GBE1: variants seen among roughly 807,000 people sequenced by gnomAD.
GBE1 encodes the protein 1,4-alpha-glucan-branching enzyme.
GBE1 carries 70 observed loss-of-function variants against 88.8 expected under a neutral mutation model. The observed-to-expected ratio is 0.79, with a 90% confidence interval of 0.65 to 0.96. The LOEUF (loss-of-function observed/expected upper bound fraction) is 0.96. GBE1 is among the 40% of genes least tolerant of loss of function. The pLI is 0.00. For missense variants in GBE1, 872 were observed against 871.0 expected (o/e 1.00, Z -0.01); for synonymous variants, 284 against 300.1 (o/e 0.95, Z 0.56).
In GBE1 at chr3:81,591,087, C is replaced by G; in HGVS notation, c.1186G>C (p.Ala396Pro). ...CACAGCGTGTGAACCAAATGATTTG[C>G]CAACATGAGGTAAGTCAAGGCATCT... Reference protein sequence around the residue: ...DEDALTYLMLANHLVHTLCPD... With the variant: ...DEDALTYLMLPNHLVHTLCPD... Residue 396 changes from alanine to proline, a missense_variant, in exon 9 of 16, where the codon GCA becomes CCA. By Grantham distance (27) the Ala-to-Pro change is conservative. Transcript: ENST00000429644. 2 of 1,609,514 alleles carry G rather than the reference C, an allele frequency of 1.2e-6. No homozygotes were observed. The highest frequency in any genetic ancestry group is 1.7e-6 in the Non-Finnish European group (2 of 1,177,544).
chr3:81,522,355 A>AG (rs1702886122), intron 14 of GBE1, among the ~76,000 whole-genome samples: 1 of 151,536 alleles, frequency 6.6e-6, no homozygotes, highest in African/African-American at 2.4e-5. Flanking sequence ...TTCGAATAAC[A>AG]GGTGATTATT....
chr3:81,558,142 C>T (rs1703372431), intron 12 of GBE1, among the ~76,000 whole-genome samples: 1 of 151,946 alleles, frequency 6.6e-6, no homozygotes, highest in Non-Finnish European at 1.5e-5. Context: ...ACCTATTTCT[C>T]AATTTGTAAA....
chr3:81,647,784 C>T (rs1469003685), intron 5 of GBE1, among the ~76,000 whole-genome samples: 2 of 152,022 alleles, frequency 1.3e-5, no homozygotes, highest in Non-Finnish European at 2.9e-5. Flanking sequence ...TTTCATTCTT[C>T]TTGGCTGATA....
intron 14 of GBE1, among the ~76,000 whole-genome samples, chr3:81,525,393 G>A (rs1421925297): frequency 2.0e-5 from 3 of 152,028 alleles, no homozygotes; most frequent in Non-Finnish European, 4.4e-5. Flanking sequence ...ACTTGATCAT[G>A]GTGGATAAGC....
At chr3:81,612,845 G>C in intron 7 of GBE1, 2 of 417,772 alleles carry the variant, frequency 4.8e-6, no homozygotes, top group South Asian at 4.0e-5. Context: ...GTGTGGATGA[G>C]TTAGGAGAGT....
At chr3:81,501,614 T>C (rs1283497149) in intron 14 of GBE1, among the ~76,000 whole-genome samples, 1 of 151,758 alleles carries the variant, frequency 6.6e-6, no homozygotes, top group Non-Finnish European at 1.5e-5. Context: ...ATTACAATTT[T>C]TAAAATGTTA....
chr3:81,750,595 ATATATG>A (rs1559708602), intron 1 of GBE1, among the ~76,000 whole-genome samples: 2 of 40,700 alleles, frequency 4.9e-5, no homozygotes, highest in Non-Finnish European at 9.4e-5. Flanking sequence ...ATACGTATAT[ATATATG>A]TGTATATATA....
intron 1 of GBE1, among the ~76,000 whole-genome samples, chr3:81,712,104 A>G (rs748223789): frequency 6.6e-6 from 1 of 152,226 alleles, no homozygotes; most frequent in African/African-American, 2.4e-5. Flanking sequence ...AAAATGAGAT[A>G]CCAGCTCACA....
intron 7 of GBE1, among the ~76,000 whole-genome samples, chr3:81,638,979 C>A (rs1239658010): frequency 6.6e-6 from 1 of 152,104 alleles, no homozygotes; most frequent in African/African-American, 2.4e-5. Flanking sequence ...AGGTCTTAAG[C>A]AAGCCATGTG....
intron 2 of GBE1, among the ~76,000 whole-genome samples, chr3:81,699,460 G>A (rs1049729739): frequency 6.6e-6 from 1 of 152,078 alleles, no homozygotes; most frequent in Non-Finnish European, 1.5e-5. Flanking sequence ...GGTTCTCTTA[G>A]AGGGACAGAA....
intron 8 of GBE1, among the ~76,000 whole-genome samples, chr3:81,591,427 TA>T (rs2106952894): frequency 6.6e-6 from 1 of 152,288 alleles, no homozygotes; most frequent in African/African-American, 2.4e-5. Context: ...TAATTTTAGC[TA>T]AATTATATGG....
At position 81,619,919 on chromosome 3, in the gene GBE1, C is replaced by A. The variant is rs114108023; in HGVS notation, c.992+22862G>T. Among the ~76,000 whole-genome samples the A allele has an allele frequency of 9.4e-3, 1,423 of 150,860 alleles. 20 individuals carry two copies. The highest frequency in any genetic ancestry group is 0.031 in the African/African-American group (1,285 of 41,110). On this transcript the variant is annotated intron_variant, in intron 7 of 15. Coordinates refer to ENST00000429644, the MANE Select transcript of GBE1 (RefSeq NM_000158.4). ...TTTTGTAGATCTCTTAGAGTAAAACCTTTTCATAGCAAGTTAAAAAACGTA... is the reference window on the plus strand; with the variant it reads ...TTTTGTAGATCTCTTAGAGTAAAACATTTTCATAGCAAGTTAAAAAACGTA...
intron 1 of GBE1, among the ~76,000 whole-genome samples, chr3:81,738,001 T>C (rs1290876212): frequency 1.3e-5 from 2 of 151,518 alleles, no homozygotes; most frequent in East Asian, 1.9e-4. Flanking sequence ...GAATATGCAG[T>C]GTTTGGTTTC....
chr3:81,665,397 G>C (rs960499889), intron 3 of GBE1, among the ~76,000 whole-genome samples: 11 of 151,988 alleles, frequency 7.2e-5, no homozygotes, highest in Non-Finnish European at 1.3e-4. Context: ...TTAGCCGGGC[G>C]TGGTGGCGGG....
intron 1 of GBE1, among the ~76,000 whole-genome samples, chr3:81,710,211 TTTACTC>T (rs1286414118): frequency 6.6e-6 from 1 of 150,612 alleles, no homozygotes; most frequent in Non-Finnish European, 1.5e-5. Flanking sequence ...TTTATGTTGT[TTTACTC>T]TTAAGGTAAT....
rs777291512 is a variant in GBE1, at chr3:81,591,125, A to G, written c.1148T>C (p.Leu383Pro). Residue 383 changes from leucine to proline, a missense_variant, in exon 9 of 16, where the codon CTA (leucine) becomes CCA (proline). Physicochemically the swap from Leu to Pro is moderately conservative, Grantham distance 98. Coordinates refer to ENST00000429644, the MANE Select transcript of GBE1 (RefSeq NM_000158.4). Reference sequence around the variant, plus strand: ...AGTCAAGGCATCTTCATCTACTTGTAGTCCGAAATATTCACTGTAATCACC... The same window carrying G: ...AGTCAAGGCATCTTCATCTACTTGTGGTCCGAAATATTCACTGTAATCACC... ...FSGDYSEYFG[L>P]QVDEDALTYL... The G allele has an allele frequency of 1.0e-5, 16 of 1,607,274 alleles. No individual in the cohort carries two copies. The highest frequency in any genetic ancestry group is 1.4e-5 in the Non-Finnish European group (16 of 1,176,092).
Position 81,536,958 on chromosome 3 carries a change from C to A in GBE1, c.1756G>T (p.Asp586Tyr). 1 of 1,590,026 alleles carries A rather than the reference C, an allele frequency of 6.3e-7. No individual in the cohort carries two copies. Among genetic ancestry groups the A allele is most frequent in the African/African-American group, 1.4e-5 (1 of 73,244 alleles). Residue 586 changes from aspartate to tyrosine, a missense_variant, in exon 13 of 16, where the codon GAT (aspartate) becomes TAT (tyrosine). Transcript: ENST00000429644. ...TATCTTTCTTCCAATCTATTCATAT[C>A]CCTGTCAAAATTATTTAGGAACTTG... The part of the protein sequence containing the change: ...RYKFLNNFDR[D>Y]MNRLEERYGW...
At chr3:81,667,913 A>G (rs1342541701) in intron 3 of GBE1, among the ~76,000 whole-genome samples, 1 of 152,194 alleles carries the variant, frequency 6.6e-6, no homozygotes, top group African/African-American at 2.4e-5. Flanking sequence ...CTAAAGACAC[A>G]TGGTCATATA....
intron 3 of GBE1, among the ~76,000 whole-genome samples, chr3:81,666,586 T>G (rs1203996465): frequency 6.6e-6 from 1 of 152,040 alleles, no homozygotes; most frequent in Non-Finnish European, 1.5e-5. Flanking sequence ...CAAAGGAAAA[T>G]CTATTCCAGA....
Sources: gnomAD v4.1 joint callset for allele counts (sites outside exome capture counted in the v4.1 genomes callset) on GRCh38, gnomAD v4.1.1 for gene constraint, MANE v1.5 for transcripts, NCBI Gene and HGNC (gene_info 2026-07-23, HGNC 2026-07-21) for gene names.